Variants in PRDM16 observed in about 807,000 individuals in gnomAD.
The protein encoded by PRDM16 is PR/SET domain 16, also known as histone-lysine N-methyltransferase PRDM16.
In PRDM16, 23 loss-of-function variants were observed where a neutral mutation model predicts 110.6. That is an observed-to-expected ratio of 0.21 (90% CI 0.15 to 0.29). The LOEUF is 0.29. Ranked by LOEUF, PRDM16 falls within the 10% of genes least tolerant of loss-of-function variation. PRDM16 has a pLI of 1.00. For synonymous variants in PRDM16, 799 were observed against 781.8 expected (o/e 1.02, Z -0.37); for missense variants, 1,615 against 1,794.3 (o/e 0.90, Z 1.81).
At chr1:3,242,950 CA>C (rs1446524688) in intron 2 of PRDM16, among the ~76,000 whole-genome samples, 10 of 152,230 alleles carry the variant, frequency 6.6e-5, no homozygotes, top group African/African-American at 2.4e-4. Flanking sequence ...TTCTAGAGCT[CA>C]TTTGTCAGTT....
intron 1 of PRDM16, among the ~76,000 whole-genome samples, chr1:3,088,040 T>C (rs1319898193): frequency 6.6e-6 from 1 of 152,062 alleles, no homozygotes; most frequent in East Asian, 1.9e-4. Flanking sequence ...CCTTCTAAAG[T>C]CAGCCAGCAG....
At chr1:3,164,781 CG>C (rs1211578216) in intron 1 of PRDM16, among the ~76,000 whole-genome samples, 1 of 152,064 alleles carries the variant, frequency 6.6e-6, no homozygotes, top group African/African-American at 2.4e-5. Context: ...GCTGTGTTTG[CG>C]GGGGGAGGCT....
At chr1:3,094,448 G>A (rs1395364100) in intron 1 of PRDM16, among the ~76,000 whole-genome samples, 3 of 152,240 alleles carry the variant, frequency 2.0e-5, no homozygotes, top group Non-Finnish European at 4.4e-5. Flanking sequence ...TGCTCATGCC[G>A]GACTGGCAGC....
chr1:3,120,549 A>G (rs1466743064), intron 1 of PRDM16, among the ~76,000 whole-genome samples: 1 of 152,100 alleles, frequency 6.6e-6, no homozygotes, highest in African/African-American at 2.4e-5. Flanking sequence ...GCAAAGCTGG[A>G]GAAAGAGAAA....
intron 1 of PRDM16, among the ~76,000 whole-genome samples, chr1:3,176,568 A>G (rs935158774): frequency 1.1e-4 from 16 of 149,256 alleles, no homozygotes; most frequent in African/African-American, 4.0e-4. Flanking sequence ...GCACTCATTC[A>G]TTTATCCATT....
rs1257108498 is a variant in PRDM16, at chr1:3,412,560, T to A, written c.2363T>A (p.Met788Lys). 3 of 1,611,372 alleles carry A rather than the reference T, an allele frequency of 1.9e-6. No individual in the cohort carries two copies. Among genetic ancestry groups the A allele is most frequent in the Non-Finnish European group, 1.7e-6 (2 of 1,179,662 alleles). ...KPKDVKPILP[M>K]PKGPSAPASG... ...AAAGACGTGAAGCCCATCCTGCCCA[T>A]GCCCAAGGGCCCCTCGGCCCCCGCA... is the stretch of plus-strand genomic sequence containing the variant. Residue 788 changes from methionine (M) to lysine (K), a missense_variant, in exon 9 of 17, where the codon ATG becomes AAG. Coordinates refer to ENST00000270722, the MANE Select transcript of PRDM16 (RefSeq NM_022114.4).
chr1:3,418,965 G>C (rs985792657), intron 12 of PRDM16, among the ~76,000 whole-genome samples: 5 of 152,134 alleles, frequency 3.3e-5, no homozygotes, highest in African/African-American at 1.2e-4. Context: ...CTTCTGGAAG[G>C]CATCTGCCTG....
intron 3 of PRDM16, among the ~76,000 whole-genome samples, chr1:3,347,478 T>C (rs1642384200): frequency 6.6e-6 from 1 of 152,070 alleles, no homozygotes; most frequent in South Asian, 2.1e-4. Context: ...CCCGCCCTCC[T>C]GCGTCTGGTC....
intron 1 of PRDM16, among the ~76,000 whole-genome samples, chr1:3,170,792 A>G (rs1352507675): frequency 6.6e-6 from 1 of 151,854 alleles, no homozygotes; most frequent in East Asian, 2.0e-4. Flanking sequence ...GGACATGGAC[A>G]GTGCCCTCCC....
intron 5 of PRDM16, among the ~76,000 whole-genome samples, chr1:3,399,126 C>T (rs1024493153): frequency 6.6e-6 from 1 of 152,202 alleles, no homozygotes; most frequent in African/African-American, 2.4e-5. Flanking sequence ...AATTCTCTTT[C>T]GTGAGAACTT....
intron 3 of PRDM16, among the ~76,000 whole-genome samples, chr1:3,316,980 AG>A: frequency 6.6e-6 from 1 of 152,326 alleles, no homozygotes; most frequent in East Asian, 1.9e-4. Flanking sequence ...TCAGTGTCAC[AG>A]GGTGGCCAGG....
chr1:3,275,151 G>T (rs2100302411), intron 3 of PRDM16, among the ~76,000 whole-genome samples: 1 of 152,364 alleles, frequency 6.6e-6, no homozygotes, highest in South Asian at 2.1e-4. Context: ...CCCAGTGGAA[G>T]TCATAAATTA....
Position 3,425,472 on chromosome 1 carries a change from T to C in PRDM16, c.2940-109T>C, listed in dbSNP as rs544485876. 9 of 1,219,932 alleles carry C rather than the reference T, an allele frequency of 7.4e-6. No homozygotes were observed. In the South Asian group the frequency reaches 1.2e-4, roughly 16 times the overall value. 75.6% of individuals were successfully genotyped at this position (1,219,932 alleles called of 1,614,324 possible). ...TCCGGGACACGGCGGGGCAAAGCTG[T>C]GCACGGGGCACGGGGCAGGGGCGCG... On this transcript the variant is annotated intron_variant, in intron 12 of 16. Coordinates refer to ENST00000270722, the MANE Select transcript of PRDM16 (RefSeq NM_022114.4). This position sits in a 1 kb window ranked among gnomAD's most constrained non-coding sequence, Gnocchi z 6.9.
At chr1:3,410,640 C>A (rs748167703) in intron 8 of PRDM16, among the ~76,000 whole-genome samples, 1 of 152,120 alleles carries the variant, frequency 6.6e-6, no homozygotes, top group Non-Finnish European at 1.5e-5. Flanking sequence ...GGATCTGGTG[C>A]GGAGAGGGGA....
chr1:3,377,277 G>A (rs1168652330), intron 3 of PRDM16, among the ~76,000 whole-genome samples: 2 of 152,108 alleles, frequency 1.3e-5, no homozygotes, highest in Non-Finnish European at 2.9e-5. Context: ...GACCGAGAGG[G>A]CAGCGTCCCA....
intron 2 of PRDM16, among the ~76,000 whole-genome samples, chr1:3,234,332 C>G (rs1350435121): frequency 2.0e-5 from 3 of 152,120 alleles, no homozygotes; most frequent in East Asian, 3.9e-4. Flanking sequence ...CTCTTGTCCC[C>G]GGGGCCCTGA....
intron 9 of PRDM16, among the ~76,000 whole-genome samples, chr1:3,413,968 C>G (rs928581174): frequency 1.3e-5 from 2 of 152,202 alleles, no homozygotes; most frequent in African/African-American, 2.4e-5. Flanking sequence ...CAGGAAGCCC[C>G]TGGTGACCTC....
chr1:3,347,563 G>T (rs1011740658), intron 3 of PRDM16, among the ~76,000 whole-genome samples: 1 of 152,240 alleles, frequency 6.6e-6, no homozygotes, highest in Non-Finnish European at 1.5e-5. Flanking sequence ...AGGGGGTGGG[G>T]GTGGGGGCAG....
intron 3 of PRDM16, among the ~76,000 whole-genome samples, chr1:3,338,073 A>ATGCACACACGTG: frequency 6.6e-6 from 1 of 152,136 alleles, no homozygotes; most frequent in South Asian, 2.1e-4. Flanking sequence ...ACACGTGTGC[A>ATGCACACACGTG]TGCACACACG....
Sources: allele counts gnomAD v4.1 joint callset (sites outside exome capture counted in the v4.1 genomes callset), GRCh38; gene constraint gnomAD v4.1.1; non-coding constraint Gnocchi (gnomAD v3.1); transcripts MANE v1.5; gene names NCBI Gene and HGNC (gene_info 2026-07-23, HGNC 2026-07-21).